Variants in SIPA1L3 observed in about 807,000 individuals in gnomAD.
SIPA1L3 encodes signal-induced proliferation-associated 1-like protein 3.
In SIPA1L3, 59 loss-of-function variants were observed where a neutral mutation model predicts 150.1. The observed-to-expected ratio is 0.39, with a 90% CI of 0.32 to 0.49. The LOEUF is 0.49. Ranked by LOEUF, SIPA1L3 falls within the 20% of genes least tolerant of loss-of-function variation. The pLI is 0.86. For missense variants in SIPA1L3, 2,211 were observed against 2,489.5 expected, an observed-to-expected ratio of 0.89 and a Z score of 2.38; for synonymous variants, 1,070 against 1,077.6, an observed-to-expected ratio of 0.99 and a Z score of 0.14.
chr19:38,118,518 T>C (rs902291093), intron 8 of SIPA1L3, among the ~76,000 whole-genome samples: 5 of 151,660 alleles, frequency 3.3e-5, no homozygotes, highest in Non-Finnish European at 4.4e-5. Context: ...ATCTGCTTTA[T>C]AGAAAATGTG....
In SIPA1L3 at chr19:38,150,071, T is replaced by C. The variant is rs189502317; in HGVS notation, c.3534-2769T>C. 1.1e-4 allele frequency among the ~76,000 whole-genome samples: 17 copies of C among 152,312 alleles called. No homozygotes were observed. In the South Asian group the frequency reaches 2.5e-3, roughly 22 times the overall value. ...CCAGGTGTGAAGTCAGCTAGTAAGA[T>C]GAAGATTGCTTATAGTCAAAGTTGC... On this transcript the variant is annotated intron_variant, in intron 12 of 21. Coordinates refer to ENST00000222345, the MANE Select transcript of SIPA1L3 (RefSeq NM_015073.3).
intron 1 of SIPA1L3, among the ~76,000 whole-genome samples, chr19:37,988,055 G>A (rs1967406683): frequency 6.6e-6 from 1 of 152,090 alleles, no homozygotes; most frequent in Non-Finnish European, 1.5e-5. Flanking sequence ...GTCTGTCCTT[G>A]GCTCCCACTG....
At chr19:38,113,265 G>T (rs1322359184) in intron 8 of SIPA1L3, among the ~76,000 whole-genome samples, 1 of 151,066 alleles carries the variant, frequency 6.6e-6, no homozygotes, top group East Asian at 2.0e-4. Context: ...ACACCCTCCA[G>T]TGGTTCCTTA....
chr19:38,170,404 C>G (rs536154118), intron 15 of SIPA1L3, among the ~76,000 whole-genome samples: 3 of 152,138 alleles, frequency 2.0e-5, no homozygotes, highest in Non-Finnish European at 4.4e-5. Context: ...AGCAGCCCCC[C>G]TCATGTGCTG....
At position 38,030,335 on chromosome 19, in the gene SIPA1L3, G is replaced by C. The variant is rs1007582861; in HGVS notation, c.-311+1179G>C. On this transcript the variant is annotated intron_variant, in intron 2 of 21. Transcript: ENST00000222345. The stretch of plus-strand genomic sequence containing the variant: ...CCAGCACTTTGAGAGGCTGAGGCTC[G>C]AGGATCGATTGAGCCCAGGTGCTGG... 3.3e-5 allele frequency among the ~76,000 whole-genome samples: 5 copies of C among 152,100 alleles called. 1 individual carries two copies. In the South Asian group the frequency reaches 1.0e-3, roughly 32 times the overall value.
At chr19:37,944,649 T>C (rs1451026906) in intron 1 of SIPA1L3, among the ~76,000 whole-genome samples, 1 of 152,162 alleles carries the variant, frequency 6.6e-6, no homozygotes. Context: ...GATGCACCTG[T>C]TATACGCTGA....
chr19:38,186,602 C>T (rs918856064), intron 16 of SIPA1L3, among the ~76,000 whole-genome samples: 2 of 151,674 alleles, frequency 1.3e-5, no homozygotes, highest in East Asian at 2.0e-4. Context: ...AATCCGCCCC[C>T]CCTTGGCCTC....
At chr19:38,158,911 CA>C (rs1473809542) in intron 13 of SIPA1L3, among the ~76,000 whole-genome samples, 1 of 152,196 alleles carries the variant, frequency 6.6e-6, no homozygotes, top group Non-Finnish European at 1.5e-5. Flanking sequence ...GTTCAAGTGT[CA>C]AGTCAGGGGC....
intron 3 of SIPA1L3, among the ~76,000 whole-genome samples, chr19:38,086,916 C>A (rs929017862): frequency 2.0e-5 from 3 of 152,122 alleles, no homozygotes; most frequent in Non-Finnish European, 4.4e-5. Context: ...AAGATTCTGG[C>A]TAAACCAACC....
At chr19:38,016,586 A>G (rs566514830) in intron 1 of SIPA1L3, among the ~76,000 whole-genome samples, 58 of 152,272 alleles carry the variant, frequency 3.8e-4, no homozygotes, top group Non-Finnish European at 7.9e-4. Flanking sequence ...TCTGCCTCCC[A>G]GAGTCAAGCA....
chr19:38,116,936 T>C (rs745381324), intron 8 of SIPA1L3, among the ~76,000 whole-genome samples: 1 of 152,244 alleles, frequency 6.6e-6, no homozygotes, highest in Non-Finnish European at 1.5e-5. Context: ...CTTGGCCTTT[T>C]TGTGCACTTT....
intron 9 of SIPA1L3, among the ~76,000 whole-genome samples, chr19:38,124,871 G>A (rs969950796): frequency 3.9e-5 from 6 of 152,152 alleles, no homozygotes; most frequent in African/African-American, 9.7e-5. Context: ...GTGTGGCGGC[G>A]CGCGCCTGCA....
rs1969063216 is a variant in SIPA1L3, at chr19:38,046,578, C to A, written c.-311+17422C>A. Among the ~76,000 whole-genome samples, 1 of 152,148 alleles carries A rather than the reference C, an allele frequency of 6.6e-6. No individual in the cohort carries two copies. The highest frequency in any genetic ancestry group is 2.4e-5 in the African/African-American group (1 of 41,438). On this transcript the variant is annotated intron_variant, in intron 2 of 21. Coordinates refer to ENST00000222345, the MANE Select transcript of SIPA1L3 (RefSeq NM_015073.3). This position sits in a 1 kb window ranked among gnomAD's most constrained non-coding sequence, Gnocchi z 5.6. ...CCTGGGCATGGCACAGGAAATGACT[C>A]CTTCATAGGCTGAGAGTTTTGGGAG... is the stretch of plus-strand genomic sequence containing the variant.
chr19:38,172,639 C>A (rs1972352806), intron 15 of SIPA1L3, among the ~76,000 whole-genome samples: 1 of 152,062 alleles, frequency 6.6e-6, no homozygotes, highest in Admixed American at 6.5e-5. Flanking sequence ...GTCAGGTGGC[C>A]AGAGGGGCTG....
intron 19 of SIPA1L3, chr19:38,200,799 T>A (rs1973071233): frequency 6.6e-6 from 1 of 151,898 alleles, no homozygotes; most frequent in South Asian, 2.1e-4. Flanking sequence ...TGGTGGTGCA[T>A]GCCTATAATC....
chr19:37,937,962 G>C (rs1475158674), intron 1 of SIPA1L3, among the ~76,000 whole-genome samples: 1 of 151,760 alleles, frequency 6.6e-6, no homozygotes, highest in Non-Finnish European at 1.5e-5. Flanking sequence ...CAGGAGAATT[G>C]CTTGAACCCA....
At position 38,198,391 on chromosome 19, in the gene SIPA1L3, A is replaced by G; in HGVS notation, c.4843A>G (p.Thr1615Ala). The change falls in exon 19 of 22, where the codon ACC becomes GCC. Residue 1615 changes from threonine to alanine, a missense_variant and splice_region_variant. Physicochemically the swap from Thr to Ala is moderately conservative, Grantham distance 58 (BLOSUM62 0). This residue lies in a region of SIPA1L3 where 806 missense variants were observed against 870.1 expected (regional missense o/e 0.93). Transcript: ENST00000222345. ...CCATCTCCACCCTCCCCATCCAGCC[A>G]CCATCTCAGCCTCGGAGCTCTCGCT... ...AGSGFPEKKSTISASELSLAD... is the reference protein window; with the variant it reads ...AGSGFPEKKSAISASELSLAD... The G allele has an allele frequency of 6.5e-7, 1 of 1,547,978 alleles. No individual in the cohort carries two copies. Among genetic ancestry groups the G allele is most frequent in the South Asian group, 1.2e-5 (1 of 82,528 alleles).
intron 16 of SIPA1L3, 188 bp downstream of exon 16, chr19:38,182,928 T>C (rs1173231038): frequency 3.6e-6 from 2 of 559,940 alleles, no homozygotes; most frequent in Non-Finnish European, 6.3e-6. Context: ...GGCATTCCAT[T>C]TGGGGTGACC....
At chr19:38,032,774 A>T (rs1968681976) in intron 2 of SIPA1L3, among the ~76,000 whole-genome samples, 2 of 152,238 alleles carry the variant, frequency 1.3e-5, no homozygotes, top group South Asian at 4.1e-4. Context: ...GGATCGCTTG[A>T]ACCCAGAGGC....
Sources: allele counts gnomAD v4.1 joint callset (sites outside exome capture counted in the v4.1 genomes callset), GRCh38; gene constraint gnomAD v4.1.1; regional missense constraint gnomAD v4.1.1; non-coding constraint Gnocchi (gnomAD v3.1); transcripts MANE v1.5; gene names NCBI Gene and HGNC (gene_info 2026-07-23, HGNC 2026-07-21).